The following GRAMD1B variants were observed in gnomAD, a reference collection of about 807,000 sequenced individuals.
The protein encoded by GRAMD1B is protein Aster-B.
GRAMD1B carries 37 observed loss-of-function variants against 99.7 expected under a neutral mutation model. The observed-to-expected ratio is 0.37, with a 90% CI of 0.29 to 0.49. The LOEUF is 0.49. Among genes scored for constraint, GRAMD1B ranks in the 20% least tolerant of loss-of-function variants. The probability of loss-of-function intolerance (pLI) is 0.98; values close to 1 mark genes in which losing one functional copy is unlikely to be tolerated. For missense variants in GRAMD1B, 888 were observed against 1,009.2 expected (o/e 0.88, Z 1.63); for synonymous variants, 427 against 387.6 (o/e 1.10, Z -1.19).
intron 1 of GRAMD1B, among the ~76,000 whole-genome samples, chr11:123,397,921 G>C (rs1020509018): frequency 2.0e-5 from 3 of 152,174 alleles, no homozygotes; most frequent in Non-Finnish European, 4.4e-5. Context: ...ACAGTAGCTT[G>C]TTCCTTTTTA....
intron 1 of GRAMD1B, among the ~76,000 whole-genome samples, chr11:123,376,739 C>T (rs1946703178): frequency 6.6e-6 from 1 of 152,138 alleles, no homozygotes; most frequent in Admixed American, 6.5e-5. Context: ...GGCATCTGGT[C>T]AAGGAACAGG....
At chr11:123,402,204 C>T (rs1336023078) in intron 1 of GRAMD1B, among the ~76,000 whole-genome samples, 2 of 152,120 alleles carry the variant, frequency 1.3e-5, no homozygotes, top group African/African-American at 4.8e-5. Flanking sequence ...TTAGTAGAGA[C>T]AGGGTTTCAC....
At chr11:123,620,472 CAAAAAAAAAAAAAA>C (rs55787871) in intron 19 of GRAMD1B, among the ~76,000 whole-genome samples, 1 of 69,232 alleles carries the variant, frequency 1.4e-5, no homozygotes, top group Non-Finnish European at 2.5e-5. Context: ...GACTTCATCT[CAAAAAAAAAAAAAA>C]AAAAAAAAAA....
chr11:123,467,257 A>G (rs1464667272), intron 1 of GRAMD1B, among the ~76,000 whole-genome samples: 1 of 152,042 alleles, frequency 6.6e-6, no homozygotes, highest in African/African-American at 2.4e-5. Context: ...CCGAGGTGGG[A>G]GGATTGCTTG....
intron 2 of GRAMD1B, among the ~76,000 whole-genome samples, chr11:123,489,895 G>A (rs915840146): frequency 2.0e-5 from 3 of 152,068 alleles, no homozygotes; most frequent in African/African-American, 2.4e-5. Flanking sequence ...ACGCACTATC[G>A]GCCAAGTGTG....
intron 2 of GRAMD1B, among the ~76,000 whole-genome samples, chr11:123,521,946 G>A (rs932416705): frequency 1.3e-5 from 2 of 152,090 alleles, no homozygotes; most frequent in East Asian, 3.9e-4. Context: ...AGCTCATCAA[G>A]CACTTTAAAA....
At chr11:123,507,563 T>A (rs1940560142) in intron 2 of GRAMD1B, among the ~76,000 whole-genome samples, 1 of 152,134 alleles carries the variant, frequency 6.6e-6, no homozygotes, top group Admixed American at 6.5e-5. Context: ...TATACATCCT[T>A]CCCCCTTACC....
At position 123,492,965 on chromosome 11, in the gene GRAMD1B, G is replaced by T. The variant is rs1938764482; in HGVS notation, c.452+12072G>T. ...GGGTTTCTCATGGCTAAAGTTTTGG[G>T]GCTGGTGAGCAAAGACTGTGTCCCT... On this transcript the variant is annotated intron_variant, in intron 2 of 19. Transcript: ENST00000635736. This position sits in a 1 kb window ranked among gnomAD's most constrained non-coding sequence, Gnocchi z 4.2. 6.6e-6 allele frequency among the ~76,000 whole-genome samples: 1 copy of T among 151,946 alleles called. No homozygotes were observed. Among genetic ancestry groups the T allele is most frequent in the South Asian group, 2.1e-4 (1 of 4,806 alleles).
intron 2 of GRAMD1B, among the ~76,000 whole-genome samples, chr11:123,567,551 G>A (rs147499840): frequency 2.6e-5 from 4 of 152,346 alleles, no homozygotes; most frequent in Middle Eastern, 3.4e-3. Context: ...GTTTTTGTAG[G>A]AAGGGGGAAA....
At chr11:123,577,253 C>CCTGGCTCCCTGAG in intron 2 of GRAMD1B, 114 bp from the exon 3 acceptor site, 1 of 872,038 alleles carries the variant, frequency 1.1e-6, no homozygotes, top group Non-Finnish European at 1.8e-6. Context: ...CAGCCCCTCA[C>CCTGGCTCCCTGAG]CTGGCTCCCT....
chr11:123,593,815 G>A (rs1950947540), intron 4 of GRAMD1B, among the ~76,000 whole-genome samples: 1 of 152,082 alleles, frequency 6.6e-6, no homozygotes, highest in Non-Finnish European at 1.5e-5. Context: ...TCTCTTACGG[G>A]ATATAACGAG....
chr11:123,477,938 C>A (rs148409037), intron 1 of GRAMD1B, among the ~76,000 whole-genome samples: 2,610 of 151,906 alleles, frequency 0.017, 33 homozygotes, highest in Non-Finnish European at 0.026. Flanking sequence ...CCAAGACTGG[C>A]TAATTTTTTT....
At chr11:123,595,178 C>T (rs936984929) in intron 6 of GRAMD1B, among the ~76,000 whole-genome samples, 5 of 152,000 alleles carry the variant, frequency 3.3e-5, no homozygotes, top group Admixed American at 6.6e-5. Flanking sequence ...CCGGCTTGCA[C>T]AATTTCTGGG....
intron 1 of GRAMD1B, among the ~76,000 whole-genome samples, chr11:123,376,164 C>A (rs1479856560): frequency 6.6e-6 from 1 of 151,520 alleles, no homozygotes; most frequent in African/African-American, 2.4e-5. Context: ...AAAAAAAAAT[C>A]AAAGCAATAT....
chr11:123,554,966 C>T (rs1330565348), intron 2 of GRAMD1B, among the ~76,000 whole-genome samples: 2 of 152,168 alleles, frequency 1.3e-5, no homozygotes, highest in Non-Finnish European at 2.9e-5. Context: ...GTTCTGGGGA[C>T]TGGGGCACAT....
At chr11:123,555,645 A>C (rs893513412) in intron 2 of GRAMD1B, among the ~76,000 whole-genome samples, 1 of 151,374 alleles carries the variant, frequency 6.6e-6, no homozygotes, top group Admixed American at 6.6e-5. Context: ...CACTGTGCCC[A>C]GTGGAAAAGA....
At chr11:123,488,336 G>T (rs1565293324) in intron 2 of GRAMD1B, among the ~76,000 whole-genome samples, 2 of 152,156 alleles carry the variant, frequency 1.3e-5, no homozygotes, top group Admixed American at 1.3e-4. Flanking sequence ...GAGGTGTTCA[G>T]AGTTGAGTCC....
intron 2 of GRAMD1B, among the ~76,000 whole-genome samples, chr11:123,568,273 G>T (rs996326494): frequency 6.6e-6 from 1 of 152,216 alleles, no homozygotes; most frequent in Admixed American, 6.5e-5. Context: ...GGCATGGGCC[G>T]TGTGGACGCT....
At chr11:123,455,947 A>C (rs1440907715) in intron 1 of GRAMD1B, among the ~76,000 whole-genome samples, 1 of 152,148 alleles carries the variant, frequency 6.6e-6, no homozygotes, top group South Asian at 2.1e-4. Flanking sequence ...AGGTGGGCGG[A>C]TCATTTGAGG....
Sources: gnomAD v4.1 joint callset for allele counts (sites outside exome capture counted in the v4.1 genomes callset) on GRCh38, gnomAD v4.1.1 for gene constraint, Gnocchi (gnomAD v3.1) non-coding constraint, MANE v1.5 for transcripts, NCBI Gene and HGNC (gene_info 2026-07-23, HGNC 2026-07-21) for gene names.